ZSWIM6: variants seen among roughly 807,000 people sequenced by gnomAD.
ZSWIM6 encodes zinc finger SWIM-type containing 6.
ZSWIM6 carries 9 observed loss-of-function variants against 113.2 expected under a neutral mutation model. The observed-to-expected ratio is 0.08, with a 90% CI of 0.05 to 0.14. The LOEUF is 0.14. ZSWIM6 is among the 10% of genes least tolerant of loss of function. ZSWIM6 has a pLI of 1.00. For missense variants in ZSWIM6, 1,162 were observed against 1,552.2 expected, an observed-to-expected ratio of 0.75 and a Z score of 4.22; for synonymous variants, 611 against 606.5, an observed-to-expected ratio of 1.01 and a Z score of -0.11.
At chr5:61,495,433 C>T (rs995302014) in intron 4 of ZSWIM6, among the ~76,000 whole-genome samples, 3 of 152,096 alleles carry the variant, frequency 2.0e-5, no homozygotes, top group Non-Finnish European at 4.4e-5. Context: ...TTTTCTTTTT[C>T]CTATTAATAG....
At chr5:61,401,693 G>A (rs2112103730) in intron 1 of ZSWIM6, among the ~76,000 whole-genome samples, 1 of 152,252 alleles carries the variant, frequency 6.6e-6, no homozygotes, top group African/African-American at 2.4e-5. Context: ...CATGGAGGTA[G>A]TTTATAGGGT....
At chr5:61,386,633 G>A (rs998899175) in intron 1 of ZSWIM6, among the ~76,000 whole-genome samples, 3 of 152,278 alleles carry the variant, frequency 2.0e-5, no homozygotes, top group African/African-American at 7.2e-5. Context: ...ACAGGACAAA[G>A]GACTTTGGTA....
At chr5:61,469,488 A>G (rs1358070191) in intron 1 of ZSWIM6, among the ~76,000 whole-genome samples, 4 of 152,246 alleles carry the variant, frequency 2.6e-5, no homozygotes, top group East Asian at 1.9e-4. Context: ...TGGAGGTCAC[A>G]ATATTTTATA....
At chr5:61,490,569 G>C (rs1054424946) in intron 2 of ZSWIM6, among the ~76,000 whole-genome samples, 1 of 152,004 alleles carries the variant, frequency 6.6e-6, no homozygotes, top group Non-Finnish European at 1.5e-5. Flanking sequence ...CTAAAAAATA[G>C]AAATATCTCA....
intron 1 of ZSWIM6, chr5:61,391,117 G>A (rs1745699246): frequency 1.3e-6 from 1 of 756,350 alleles, no homozygotes; most frequent in Admixed American, 1.7e-5. Context: ...CCCAGTACAG[G>A]CCACTTTGCA....
rs1266145108 is a variant in ZSWIM6, at chr5:61,375,261, G to T, written c.676+42313G>T. ...AAGAAGTAAAAGAGCAACTAGAAAA[G>T]GAAAAGAAAGGCTCCAAGGCTTTGG... On this transcript the variant is annotated intron_variant, in intron 1 of 13. Coordinates refer to ENST00000252744, the MANE Select transcript of ZSWIM6 (RefSeq NM_020928.2). 14 of 1,612,398 alleles carry T rather than the reference G, an allele frequency of 8.7e-6. No individual in the cohort carries two copies. The East Asian group carries it at 2.9e-4, about 33-fold the overall frequency.
intron 1 of ZSWIM6, among the ~76,000 whole-genome samples, chr5:61,377,430 TA>T (rs761616642): frequency 6.6e-6 from 1 of 151,998 alleles, no homozygotes; most frequent in Non-Finnish European, 1.5e-5. Flanking sequence ...TTAGATTGTA[TA>T]AAAAATAAAA....
chr5:61,403,582 G>C (rs1421678161), intron 1 of ZSWIM6, among the ~76,000 whole-genome samples: 5 of 152,204 alleles, frequency 3.3e-5, no homozygotes, highest in African/African-American at 1.2e-4. Flanking sequence ...GGCCAGGGAA[G>C]AAGGAGCCTG....
intron 12 of ZSWIM6, among the ~76,000 whole-genome samples, chr5:61,540,287 T>C (rs1010109102): frequency 1.3e-5 from 2 of 152,192 alleles, no homozygotes; most frequent in African/African-American, 4.8e-5. Context: ...CAAGGACATT[T>C]TGAGTTCGTC....
At chr5:61,382,784 A>G (rs1745511375) in intron 1 of ZSWIM6, among the ~76,000 whole-genome samples, 2 of 151,888 alleles carry the variant, frequency 1.3e-5, no homozygotes, top group Admixed American at 1.3e-4. Flanking sequence ...CAGCCTGGTT[A>G]ACAGAGCAAG....
intron 10 of ZSWIM6, among the ~76,000 whole-genome samples, chr5:61,537,171 T>A (rs1382415006): frequency 6.6e-6 from 1 of 152,244 alleles, no homozygotes; most frequent in African/African-American, 2.4e-5. Flanking sequence ...TGTAATGGTA[T>A]GTGCCAGGCA....
At chr5:61,461,204 C>A (rs1412007522) in intron 1 of ZSWIM6, among the ~76,000 whole-genome samples, 1 of 152,156 alleles carries the variant, frequency 6.6e-6, no homozygotes. Context: ...TTTGAGATGA[C>A]CATTGATTCA....
intron 6 of ZSWIM6, 53 bp from the exon 7 acceptor site, chr5:61,526,197 T>C (rs1300806292): frequency 2.7e-6 from 4 of 1,500,592 alleles, no homozygotes; most frequent in Non-Finnish European, 3.6e-6. Flanking sequence ...AAATTCTTTT[T>C]TTATGGATAT....
intron 1 of ZSWIM6, among the ~76,000 whole-genome samples, chr5:61,425,576 A>G (rs1024547717): frequency 2.0e-5 from 3 of 152,234 alleles, no homozygotes; most frequent in Admixed American, 6.5e-5. Context: ...TACAACCTGG[A>G]AATGGGAACA....
chr5:61,435,348 T>C (rs969914242), intron 1 of ZSWIM6, among the ~76,000 whole-genome samples: 40 of 152,216 alleles, frequency 2.6e-4, no homozygotes, highest in African/African-American at 9.2e-4. Context: ...AGCTACTGTT[T>C]TGGTAAACAC....
chr5:61,478,763 G>A (rs2112194974), intron 2 of ZSWIM6, among the ~76,000 whole-genome samples: 1 of 151,964 alleles, frequency 6.6e-6, no homozygotes, highest in Admixed American at 6.6e-5. Context: ...CTTAGTAGTA[G>A]AAATGCCAGA....
At chr5:61,395,159 G>C (rs982610614) in intron 1 of ZSWIM6, among the ~76,000 whole-genome samples, 12 of 152,078 alleles carry the variant, frequency 7.9e-5, no homozygotes, top group Admixed American at 7.2e-4. Flanking sequence ...GTGCTCTCAT[G>C]GCCTGGAAGG....
At chr5:61,481,661 G>T (rs1358460588) in intron 2 of ZSWIM6, among the ~76,000 whole-genome samples, 1 of 151,892 alleles carries the variant, frequency 6.6e-6, no homozygotes, top group Non-Finnish European at 1.5e-5. Flanking sequence ...AACTAAATCA[G>T]AACCAAATCA....
chr5:61,410,484 A>G (rs988759822), intron 1 of ZSWIM6, among the ~76,000 whole-genome samples: 3 of 150,950 alleles, frequency 2.0e-5, no homozygotes, highest in Admixed American at 1.3e-4. Context: ...TAATTTTTGT[A>G]TTTTTAGTAG....
Sources: allele counts gnomAD v4.1 joint callset (sites outside exome capture counted in the v4.1 genomes callset), GRCh38; gene constraint gnomAD v4.1.1; transcripts MANE v1.5; gene names NCBI Gene and HGNC (gene_info 2026-07-23, HGNC 2026-07-21).